The following SGF29 variants were observed in gnomAD, a reference collection of about 807,000 sequenced individuals.
SGF29 encodes the protein SAGA complex associated factor 29.
Under a neutral mutation model 38.1 loss-of-function variants are expected in SGF29, and 15 were observed. That is an observed-to-expected ratio of 0.39 (90% CI 0.26 to 0.61). SGF29 has a LOEUF of 0.61. Ranked by LOEUF, SGF29 falls within the 20% of genes least tolerant of loss-of-function variation. SGF29 has a pLI of 0.49. For synonymous variants in SGF29, 151 were observed against 160.8 expected (o/e 0.94, Z 0.46); for missense variants, 184 against 394.6 (o/e 0.47, Z 4.52).
At chr16:28,570,686 C>A (rs925537706) in intron 1 of SGF29, among the ~76,000 whole-genome samples, 1 of 151,970 alleles carries the variant, frequency 6.6e-6, no homozygotes, top group African/African-American at 2.4e-5. Context: ...TTAAGTGATT[C>A]TCCTGCCTCA....
intron 1 of SGF29, among the ~76,000 whole-genome samples, chr16:28,556,504 C>T (rs1402422190): frequency 6.6e-6 from 1 of 152,206 alleles, no homozygotes; most frequent in Non-Finnish European, 1.5e-5. Flanking sequence ...TGTGCCACCA[C>T]ACCCGATTAA....
intron 1 of SGF29, among the ~76,000 whole-genome samples, chr16:28,566,641 C>T (rs8048036): frequency 0.019 from 2,907 of 151,908 alleles, 98 homozygotes; most frequent in African/African-American, 0.066. Flanking sequence ...ATTACCTGGG[C>T]GTGGTGGTAC....
rs774745658 is a variant in SGF29, at chr16:28,590,110, G to A, written c.304G>A (p.Gly102Ser). ...CCTTCCCACAGCGGCCAAGATTGCC[G>A]GTCTCTACAATGACTCGGAGCCACC... is the stretch of plus-strand genomic sequence containing the variant. Reference protein sequence around the residue: ...EERRIAAKIAGLYNDSEPPRK... With the variant: ...EERRIAAKIASLYNDSEPPRK... The change falls in exon 6 of 10, where the codon GGT becomes AGT. Residue 102 changes from glycine (G) to serine (S), a missense_variant. Around this residue, in one of 2 missense-constraint regions of SGF29, gnomAD observed 107 missense variants for 276.9 expected, o/e 0.39. Transcript: ENST00000317058. The surrounding 1 kb of genome is among the most constrained non-coding windows in gnomAD (Gnocchi z 8.2). 1.2e-6 allele frequency: 2 copies of A among 1,611,296 alleles called. No individual in the cohort carries two copies. The highest frequency in any genetic ancestry group is 1.3e-5 in the African/African-American group (1 of 74,892).
chr16:28,579,467 A>G (rs1196720954), intron 1 of SGF29, among the ~76,000 whole-genome samples: 1 of 150,406 alleles, frequency 6.6e-6, no homozygotes, highest in Admixed American at 6.6e-5. Flanking sequence ...CATGTTGGCC[A>G]GGATGGTCTT....
At chr16:28,564,262 A>G (rs1245536537) in intron 1 of SGF29, among the ~76,000 whole-genome samples, 1 of 151,888 alleles carries the variant, frequency 6.6e-6, no homozygotes, top group African/African-American at 2.4e-5. Flanking sequence ...GGGATTATTC[A>G]GGGGGCAGTT....
intron 4 of SGF29, 83 bp downstream of exon 4, chr16:28,585,803 C>T: frequency 2.3e-6 from 3 of 1,300,800 alleles, no homozygotes; most frequent in Non-Finnish European, 3.3e-6. Flanking sequence ...AAGTCCCCAG[C>T]CTGCCTTCCT....
At chr16:28,586,881 T>G (rs2046958619) in intron 4 of SGF29, among the ~76,000 whole-genome samples, 1 of 152,208 alleles carries the variant, frequency 6.6e-6, no homozygotes, top group African/African-American at 2.4e-5. Context: ...AGGGTCTCAG[T>G]CTGTCATCCA....
chr16:28,591,722 T>C lies in SGF29; in HGVS notation c.*16T>C. 6.3e-7 allele frequency: 1 copy of C among 1,578,190 alleles called. No homozygotes were observed. Among genetic ancestry groups the C allele is most frequent in the Non-Finnish European group, 8.7e-7 (1 of 1,147,564 alleles). ...GAAAAAGTGATGCCGCCTGGCAGACTCGCCATCCCCCAACGACACAGGGCA... is the reference window on the plus strand; with the variant it reads ...GAAAAAGTGATGCCGCCTGGCAGACCCGCCATCCCCCAACGACACAGGGCA... On this transcript the variant is annotated 3_prime_UTR_variant, in exon 10 of 10. Coordinates refer to ENST00000317058, the MANE Select transcript of SGF29 (RefSeq NM_138414.3).
At chr16:28,572,022 C>T (rs903690586) in intron 1 of SGF29, among the ~76,000 whole-genome samples, 4 of 152,150 alleles carry the variant, frequency 2.6e-5, no homozygotes, top group Non-Finnish European at 5.9e-5. Flanking sequence ...CACTGTTGCC[C>T]GGACTGGAGT....
At chr16:28,561,304 A>G (rs2046788189) in intron 1 of SGF29, among the ~76,000 whole-genome samples, 1 of 152,082 alleles carries the variant, frequency 6.6e-6, no homozygotes, top group Non-Finnish European at 1.5e-5. Context: ...AGGCTGAGGC[A>G]GGCAGATCAC....
At chr16:28,582,502 G>C (rs1045624191) in intron 2 of SGF29, among the ~76,000 whole-genome samples, 1 of 152,148 alleles carries the variant, frequency 6.6e-6, no homozygotes, top group Non-Finnish European at 1.5e-5. Flanking sequence ...TGTTACAAAC[G>C]CACCACTCTA....
chr16:28,582,687 T>C (rs2046933148), intron 2 of SGF29, among the ~76,000 whole-genome samples: 1 of 152,212 alleles, frequency 6.6e-6, no homozygotes. Flanking sequence ...CTCATGCCTG[T>C]AATCCCAGCA....
intron 1 of SGF29, among the ~76,000 whole-genome samples, chr16:28,562,720 A>G (rs1319640066): frequency 2.0e-5 from 3 of 151,944 alleles, no homozygotes; most frequent in Non-Finnish European, 4.4e-5. Flanking sequence ...CTGGGCAACA[A>G]GGCAAGACCT....
intron 1 of SGF29, among the ~76,000 whole-genome samples, chr16:28,567,512 A>G (rs1435351108): frequency 6.7e-6 from 1 of 149,896 alleles, no homozygotes; most frequent in Admixed American, 6.6e-5. Context: ...GGGTGCTGCT[A>G]TAACAAATAC....
intron 2 of SGF29, 91 bp downstream of exon 2, chr16:28,581,235 T>G (rs1386260151): frequency 5.7e-6 from 7 of 1,227,294 alleles, no homozygotes; most frequent in Non-Finnish European, 7.1e-6. Flanking sequence ...TCAGAGAGAT[T>G]GGACTCGCAG....
intron 2 of SGF29, among the ~76,000 whole-genome samples, chr16:28,584,681 C>T (rs535811186): frequency 6.7e-6 from 1 of 149,358 alleles, no homozygotes; most frequent in South Asian, 2.2e-4. Context: ...CCCAGCTACT[C>T]GGGAGGCTGA....
chr16:28,582,965 C>G (rs550627966), intron 2 of SGF29, among the ~76,000 whole-genome samples: 1 of 152,268 alleles, frequency 6.6e-6, no homozygotes, highest in South Asian at 2.1e-4. Flanking sequence ...AAAAAAGATA[C>G]AGGCAGATTA....
chr16:28,555,563 G>A (rs2046745230), intron 1 of SGF29, among the ~76,000 whole-genome samples: 1 of 152,182 alleles, frequency 6.6e-6, no homozygotes, highest in South Asian at 2.1e-4. Context: ...CAACTGTATA[G>A]CTATTTTAAA....
intron 1 of SGF29, among the ~76,000 whole-genome samples, chr16:28,569,711 T>A (rs2046853822): frequency 2.0e-5 from 3 of 152,108 alleles, no homozygotes; most frequent in Admixed American, 1.3e-4. Context: ...GGCCAAGCCA[T>A]CCTTTGATAA....
Sources: gnomAD v4.1 joint callset for allele counts (sites outside exome capture counted in the v4.1 genomes callset) on GRCh38, gnomAD v4.1.1 for gene constraint, gnomAD v4.1.1 regional missense constraint, Gnocchi (gnomAD v3.1) non-coding constraint, MANE v1.5 for transcripts, NCBI Gene and HGNC (gene_info 2026-07-23, HGNC 2026-07-21) for gene names.